The following MYO5B variants were observed in gnomAD, a reference collection of about 807,000 sequenced individuals.
The protein encoded by MYO5B is unconventional myosin-Vb.
Under a neutral mutation model 229.3 loss-of-function variants are expected in MYO5B, and 143 were observed. The observed-to-expected ratio is 0.62, with a 90% CI of 0.54 to 0.72. The LOEUF is 0.72. MYO5B is among the 30% of genes least tolerant of loss of function. The pLI, the probability that MYO5B is intolerant of heterozygous loss-of-function variation, is 0.00. For synonymous variants in MYO5B, 918 were observed against 885.2 expected (o/e 1.04, Z -0.66); for missense variants, 2,321 against 2,331.0 (o/e 1.00, Z 0.09).
intron 8 of MYO5B, 123 bp downstream of exon 8, chr18:49,984,595 C>A: frequency 2.6e-6 from 2 of 771,242 alleles, no homozygotes; most frequent in Non-Finnish European, 4.7e-6. Context: ...TCACCAGGGG[C>A]AAGAGGGCAT....
intron 35 of MYO5B, chr18:49,840,337 T>G (rs1415312024): frequency 2.0e-5 from 3 of 152,266 alleles, no homozygotes; most frequent in Non-Finnish European, 4.4e-5. Flanking sequence ...TCTTTAACCT[T>G]TGGCCCATCT....
intron 7 of MYO5B, among the ~76,000 whole-genome samples, chr18:49,989,129 T>C (rs1292050932): frequency 6.6e-6 from 1 of 152,124 alleles, no homozygotes; most frequent in Non-Finnish European, 1.5e-5. Context: ...CAATGCAGGA[T>C]CCCTGGGGCC....
chr18:49,929,504 T>C lies in MYO5B; in HGVS notation c.2090+8A>G. The C allele has an allele frequency of 3.7e-6, 6 of 1,602,048 alleles. No individual in the cohort carries two copies. The highest frequency in any genetic ancestry group is 5.1e-6 in the Non-Finnish European group (6 of 1,175,200). ...CCCCAGGAGGCAGCTGGCGGGCACG[T>C]TAGTTACCTGGATGGGTAGCCAGCT... On this transcript the variant is annotated splice_region_variant and intron_variant, in intron 17 of 39. Coordinates refer to ENST00000285039, the MANE Select transcript of MYO5B (RefSeq NM_001080467.3).
At chr18:49,933,773 G>A (rs1285297322) in intron 16 of MYO5B, among the ~76,000 whole-genome samples, 1 of 152,220 alleles carries the variant, frequency 6.6e-6, no homozygotes, top group African/African-American at 2.4e-5. Context: ...AATGGGTGGA[G>A]AGACACAGAA....
At chr18:49,851,276 G>T (rs974017233) in intron 31 of MYO5B, among the ~76,000 whole-genome samples, 1 of 152,178 alleles carries the variant, frequency 6.6e-6, no homozygotes, top group African/African-American at 2.4e-5. Flanking sequence ...AGAGGTGATT[G>T]TAAGATCCAT....
intron 7 of MYO5B, among the ~76,000 whole-genome samples, chr18:49,989,516 G>A (rs1276068246): frequency 2.6e-5 from 4 of 152,126 alleles, no homozygotes; most frequent in South Asian, 2.1e-4. Flanking sequence ...ACACCAAGAC[G>A]CTGCTGGGCT....
At chr18:49,841,225 G>T in intron 35 of MYO5B, 140 bp downstream of exon 35, 1 of 800,678 alleles carries the variant, frequency 1.2e-6, no homozygotes, top group Non-Finnish European at 2.2e-6. Flanking sequence ...CAGCCACGAG[G>T]CATGATAAGG....
chr18:50,048,100 TAATAAA>T lies in MYO5B; in HGVS notation c.138+7162_138+7167del, dbSNP rs1282324995. Among the ~76,000 whole-genome samples the T allele has an allele frequency of 3.8e-4, 55 of 145,092 alleles. No homozygotes were observed. The East Asian group carries it at 8.9e-3, about 23-fold the overall frequency. On this transcript the variant is annotated intron_variant, in intron 2 of 39. Coordinates refer to ENST00000285039, the MANE Select transcript of MYO5B (RefSeq NM_001080467.3). ...CCTTTAAGTATAATAATAATAATAATAATAAAGTGTACAAAAAAAAAAACACAAACA... is the reference window on the plus strand; with the variant it reads ...CCTTTAAGTATAATAATAATAATAATGTGTACAAAAAAAAAAACACAAACA...
At chr18:49,887,047 C>T (rs1260217764) in intron 22 of MYO5B, among the ~76,000 whole-genome samples, 5 of 152,072 alleles carry the variant, frequency 3.3e-5, no homozygotes, top group African/African-American at 1.2e-4. Context: ...GGGTGGATCC[C>T]TCATGAATGC....
chr18:50,097,010 G>A (rs963784092), intron 1 of MYO5B, among the ~76,000 whole-genome samples: 7 of 152,200 alleles, frequency 4.6e-5, no homozygotes, highest in Non-Finnish European at 1.0e-4. Flanking sequence ...CACCTATGAA[G>A]GGAAACCAAC....
chr18:50,057,880 T>A (rs2144422115), intron 1 of MYO5B, among the ~76,000 whole-genome samples: 1 of 152,282 alleles, frequency 6.6e-6, no homozygotes, highest in South Asian at 2.1e-4. Flanking sequence ...ATCCTCATAC[T>A]AACTACTTAC....
At chr18:50,056,408 T>G (rs1219566319) in intron 1 of MYO5B, among the ~76,000 whole-genome samples, 1 of 152,126 alleles carries the variant, frequency 6.6e-6, no homozygotes, top group Non-Finnish European at 1.5e-5. Context: ...AGCATCTGGA[T>G]CTCCTGGGAT....
At chr18:50,190,019 T>C (rs775129451) in intron 1 of MYO5B, among the ~76,000 whole-genome samples, 12 of 152,158 alleles carry the variant, frequency 7.9e-5, no homozygotes, top group Non-Finnish European at 1.6e-4. Flanking sequence ...TACCTATCAA[T>C]TAGAAGCCAA....
rs1054490240 is a variant in MYO5B at position 50,085,183 on chromosome 18, C to T, written c.28-29805G>A. Among the ~76,000 whole-genome samples, 302 of 152,160 alleles carry T rather than the reference C, an allele frequency of 2.0e-3. 1 individual carries two copies. Among genetic ancestry groups the T allele is most frequent in the Non-Finnish European group, 1.1e-3 (77 of 67,996 alleles). On this transcript the variant is annotated intron_variant, in intron 1 of 39. Coordinates refer to ENST00000285039, the MANE Select transcript of MYO5B (RefSeq NM_001080467.3). ...CTACTTATCTGACAAAGGGCTAATA[C>T]CCAGAATCTACAATGAACTCTAACA...
chr18:50,036,515 T>C (rs2026450153), intron 4 of MYO5B, among the ~76,000 whole-genome samples: 1 of 152,112 alleles, frequency 6.6e-6, no homozygotes, highest in African/African-American at 2.4e-5. Flanking sequence ...ATGGAGATGC[T>C]AGCAAATGAA....
intron 21 of MYO5B, among the ~76,000 whole-genome samples, chr18:49,901,799 G>A (rs954424542): frequency 2.6e-5 from 4 of 152,222 alleles, no homozygotes; most frequent in African/African-American, 9.6e-5. Context: ...TTCAAACCTC[G>A]GCCCTGCCAC....
chr18:49,823,043 A>G lies in MYO5B; in HGVS notation c.*3428T>C, dbSNP rs1190572023. The stretch of plus-strand genomic sequence containing the variant: ...AAATGTCAGTTGGTGGCAAAATGTT[A>G]TATTCAAATCTGGATTATTCTGATA... On this transcript the variant is annotated 3_prime_UTR_variant, in exon 40 of 40. Coordinates refer to ENST00000285039, the MANE Select transcript of MYO5B (RefSeq NM_001080467.3). 1 of 152,206 alleles carries G rather than the reference A, an allele frequency of 6.6e-6. No homozygotes were observed. Among genetic ancestry groups the G allele is most frequent in the Non-Finnish European group, 1.5e-5 (1 of 68,026 alleles). 9.4% of individuals were successfully genotyped at this position (152,206 alleles called of 1,614,324 possible).
chr18:50,131,010 T>C (rs952491128), intron 1 of MYO5B, among the ~76,000 whole-genome samples: 1 of 152,214 alleles, frequency 6.6e-6, no homozygotes, highest in Admixed American at 6.5e-5. Context: ...AGCTATGGAA[T>C]GTGCAGCAAG....
intron 23 of MYO5B, 80 bp from the exon 24 acceptor site, chr18:49,879,170 CTT>C: frequency 1.3e-6 from 2 of 1,582,880 alleles, no homozygotes; most frequent in Admixed American, 1.7e-5. Context: ...CGATTAATCT[CTT>C]GTTAAGAGGC....
Sources: allele counts gnomAD v4.1 joint callset (sites outside exome capture counted in the v4.1 genomes callset), GRCh38; gene constraint gnomAD v4.1.1; transcripts MANE v1.5; gene names NCBI Gene and HGNC (gene_info 2026-07-23, HGNC 2026-07-21).